The following ABCC4 variants were observed in gnomAD, a reference collection of about 807,000 sequenced individuals.
ABCC4 encodes ATP binding cassette subfamily C member 4 (PEL blood group).
In ABCC4, 102 loss-of-function variants were observed where a neutral mutation model predicts 168.5. That is an observed-to-expected ratio of 0.61 (90% CI 0.52 to 0.71). The LOEUF is 0.71. ABCC4 is among the 30% of genes least tolerant of loss of function. The pLI is 0.00. For missense variants in ABCC4, 1,402 were observed against 1,605.8 expected (o/e 0.87, Z 2.17); for synonymous variants, 617 against 590.7 (o/e 1.04, Z -0.65).
chr13:95,259,013 G>A (rs1245912102), intron 1 of ABCC4, among the ~76,000 whole-genome samples: 1 of 152,122 alleles, frequency 6.6e-6, no homozygotes, highest in Non-Finnish European at 1.5e-5. Flanking sequence ...CTCAGAGTCA[G>A]GGACTCTGGA....
intron 19 of ABCC4, among the ~76,000 whole-genome samples, chr13:95,155,133 C>T (rs1198956888): frequency 1.3e-5 from 2 of 152,068 alleles, no homozygotes; most frequent in Admixed American, 1.3e-4. Context: ...TAGTTCAAAC[C>T]ACTACCACCC....
chr13:95,114,102 G>A (rs1345737171), intron 20 of ABCC4, among the ~76,000 whole-genome samples: 1 of 152,164 alleles, frequency 6.6e-6, no homozygotes, highest in Non-Finnish European at 1.5e-5. Flanking sequence ...GTAGATTCAA[G>A]AAATCAGCTA....
At chr13:95,263,399 T>C (rs2040585629) in intron 1 of ABCC4, among the ~76,000 whole-genome samples, 1 of 152,170 alleles carries the variant, frequency 6.6e-6, no homozygotes, top group South Asian at 2.1e-4. Flanking sequence ...ACCAACTGTA[T>C]ATGTATATGT....
At chr13:95,158,015 T>A (rs980074035) in intron 19 of ABCC4, among the ~76,000 whole-genome samples, 7 of 146,134 alleles carry the variant, frequency 4.8e-5, no homozygotes, top group Non-Finnish European at 7.4e-5. Flanking sequence ...GAGCTTGCAG[T>A]GAGCCAAGAT....
At chr13:95,042,256 C>T (rs1407663656) in intron 29 of ABCC4, among the ~76,000 whole-genome samples, 12 of 152,192 alleles carry the variant, frequency 7.9e-5, no homozygotes, top group African/African-American at 2.9e-4. Context: ...GACTGACTAC[C>T]CCTGTCTTCC....
At chr13:95,255,680 CT>C (rs2040375665) in intron 1 of ABCC4, among the ~76,000 whole-genome samples, 2 of 152,210 alleles carry the variant, frequency 1.3e-5, no homozygotes, top group Admixed American at 1.3e-4. Context: ...TCCCGCTTCA[CT>C]CTACTACCTG....
At chr13:95,188,391 AC>A (rs1238953240) in intron 10 of ABCC4, 61 bp downstream of exon 10, 1 of 1,489,446 alleles carries the variant, frequency 6.7e-7, no homozygotes, top group Non-Finnish European at 9.4e-7. Context: ...TTGGGCTCAA[AC>A]CCACGAAGTT....
chr13:95,244,838 G>A (rs1206994475), intron 3 of ABCC4, among the ~76,000 whole-genome samples: 1 of 151,578 alleles, frequency 6.6e-6, no homozygotes, highest in African/African-American at 2.4e-5. Flanking sequence ...TACTGAGCAT[G>A]AGCCCCCATA....
chr13:95,228,274 G>A (rs962809048), intron 4 of ABCC4, among the ~76,000 whole-genome samples: 3 of 151,990 alleles, frequency 2.0e-5, no homozygotes, highest in African/African-American at 4.8e-5. Flanking sequence ...AGCGCATGAC[G>A]GTGCATTTAT....
At chr13:95,084,949 C>T (rs770892210) in intron 20 of ABCC4, among the ~76,000 whole-genome samples, 16 of 152,238 alleles carry the variant, frequency 1.1e-4, no homozygotes, top group Non-Finnish European at 1.6e-4. Flanking sequence ...TGTGATATCA[C>T]GGTCTATGGC....
chr13:95,263,982 C>A (rs749430337), intron 1 of ABCC4, among the ~76,000 whole-genome samples: 4 of 152,178 alleles, frequency 2.6e-5, no homozygotes, highest in African/African-American at 4.8e-5. Flanking sequence ...TCTGAACTAT[C>A]TTTTTGTGCC....
chr13:95,035,862 G>A lies in ABCC4; in HGVS notation c.3736-1123C>T, dbSNP rs4148541. ...TTAAGAGAATATGCTGAACCTCCAA[G>A]CAGGACACAGGTTGTTTTTCTACAT... On this transcript the variant is annotated intron_variant, in intron 29 of 30. Transcript: ENST00000645237. Among the ~76,000 whole-genome samples the A allele has an allele frequency of 5.3e-4, 81 of 152,260 alleles. 1 individual carries two copies. In the East Asian group the frequency reaches 7.5e-3, roughly 14 times the overall value.
intron 1 of ABCC4, among the ~76,000 whole-genome samples, chr13:95,271,928 G>C (rs1015538047): frequency 2.0e-5 from 3 of 152,156 alleles, no homozygotes; most frequent in African/African-American, 7.2e-5. Context: ...GAAAAAGCCA[G>C]TTTGAACTCA....
In ABCC4 at chr13:95,115,820, C is replaced by T. The variant is rs2035356828; in HGVS notation, c.2535+102G>A. ...CCCTTTATTAAGTTAACATTACACA[C>T]AGCCAGGCCGAGAGTCCCACCCCCA... On this transcript the variant is annotated intron_variant, in intron 20 of 30. Transcript: ENST00000645237. 4 of 893,434 alleles carry T rather than the reference C, an allele frequency of 4.5e-6. No individual in the cohort carries two copies. The East Asian group carries it at 7.3e-5, about 16-fold the overall frequency. 55.3% of individuals were successfully genotyped at this position (893,434 alleles called of 1,614,324 possible).
chr13:95,148,629 C>T (rs181566120), intron 19 of ABCC4, among the ~76,000 whole-genome samples: 1 of 151,310 alleles, frequency 6.6e-6, no homozygotes, highest in African/African-American at 2.4e-5. Context: ...CACACACACA[C>T]ACACACACAA....
At chr13:95,152,338 C>T (rs1041068136) in intron 19 of ABCC4, among the ~76,000 whole-genome samples, 6 of 152,186 alleles carry the variant, frequency 3.9e-5, no homozygotes, top group Non-Finnish European at 7.4e-5. Context: ...TCCCATTGTT[C>T]TTTATGGGTG....
At chr13:95,139,939 C>T (rs976758273) in intron 19 of ABCC4, among the ~76,000 whole-genome samples, 8 of 152,160 alleles carry the variant, frequency 5.3e-5, no homozygotes, top group Admixed American at 2.0e-4. Context: ...GAAGGCTTCC[C>T]ACTGATTCCA....
chr13:95,115,705 C>G (rs529742110), intron 20 of ABCC4, among the ~76,000 whole-genome samples: 6 of 152,136 alleles, frequency 3.9e-5, no homozygotes, highest in Non-Finnish European at 8.8e-5. Context: ...CTAACCCTGA[C>G]GCGACTGTAT....
chr13:95,222,163 C>T (rs547432271), intron 4 of ABCC4, among the ~76,000 whole-genome samples: 1 of 152,310 alleles, frequency 6.6e-6, no homozygotes, highest in East Asian at 1.9e-4. Context: ...CTACAGCTCA[C>T]ACAACCACAC....
Sources: allele counts gnomAD v4.1 joint callset (sites outside exome capture counted in the v4.1 genomes callset), GRCh38; gene constraint gnomAD v4.1.1; transcripts MANE v1.5; gene names NCBI Gene and HGNC (gene_info 2026-07-23, HGNC 2026-07-21).